Variants in CCDC7 observed in about 807,000 individuals in gnomAD.
CCDC7 encodes coiled-coil domain containing 7.
In CCDC7, 183 loss-of-function variants were observed where a neutral mutation model predicts 196.9. The observed-to-expected ratio is 0.93, with a 90% CI of 0.82 to 1.05. CCDC7 has a LOEUF of 1.05. Among genes scored for constraint, CCDC7 ranks in the 50% least tolerant of loss-of-function variants. The pLI, the probability that CCDC7 is intolerant of heterozygous loss-of-function variation, is 0.00. For missense variants in CCDC7, 1,540 were observed against 1,482.2 expected (o/e 1.04, Z -0.64); for synonymous variants, 525 against 484.6 (o/e 1.08, Z -1.10).
chr10:32,705,918 A>G (rs1028045936), intron 24 of CCDC7, among the ~76,000 whole-genome samples: 2 of 152,128 alleles, frequency 1.3e-5, no homozygotes, highest in Non-Finnish European at 2.9e-5. Flanking sequence ...AACGAGACAG[A>G]AAGTTAACAA....
chr10:32,736,354 T>G (rs2132981252), intron 28 of CCDC7, among the ~76,000 whole-genome samples: 1 of 152,266 alleles, frequency 6.6e-6, no homozygotes, highest in African/African-American at 2.4e-5. Flanking sequence ...ATCAGAGTAT[T>G]TTAGTTTTCC....
intron 11 of CCDC7, among the ~76,000 whole-genome samples, chr10:32,535,568 GTTA>G (rs1178814757): frequency 7.2e-5 from 11 of 152,122 alleles, no homozygotes; most frequent in African/African-American, 1.7e-4. Flanking sequence ...AAAGAGTCAA[GTTA>G]TTATTATCCA....
At chr10:32,600,203 G>A (rs2060848106) in intron 18 of CCDC7, among the ~76,000 whole-genome samples, 1 of 151,334 alleles carries the variant, frequency 6.6e-6, no homozygotes, top group Admixed American at 6.6e-5. Flanking sequence ...AGCATGGGAT[G>A]TGTTTTCATT....
At chr10:32,850,518 A>G (rs16933711) in intron 39 of CCDC7, among the ~76,000 whole-genome samples, 23,780 of 152,116 alleles carry the variant, frequency 0.16, 2,301 homozygotes, top group African/African-American at 0.25. Context: ...AAGAACATCA[A>G]TACAAGTAGG....
In CCDC7 at chr10:32,585,290, G is replaced by T. The variant is rs193134561; in HGVS notation, c.1801+986G>T. Among the ~76,000 whole-genome samples the T allele has an allele frequency of 2.0e-3, 311 of 152,254 alleles. 1 individual carries two copies. The highest frequency in any genetic ancestry group is 3.7e-3 in the Admixed American group (56 of 15,298). On this transcript the variant is annotated intron_variant, in intron 18 of 41. Coordinates refer to ENST00000639629, the Ensembl canonical transcript of CCDC7. ...GGGTTTCACCGTGTTAGACAGGATG[G>T]TCTCGATCTCCTGACCTTATGATCC...
intron 20 of CCDC7, among the ~76,000 whole-genome samples, chr10:32,645,726 G>C (rs888900506): frequency 4.0e-5 from 6 of 151,744 alleles, no homozygotes; most frequent in South Asian, 2.1e-4. Context: ...CTCATTATTG[G>C]TGTGTTGAGA....
At chr10:32,577,382 T>A (rs2058320235) in intron 16 of CCDC7, among the ~76,000 whole-genome samples, 1 of 152,066 alleles carries the variant, frequency 6.6e-6, no homozygotes, top group East Asian at 1.9e-4. Context: ...AAGAGTTCTG[T>A]CCTAGGGAAC....
chr10:32,518,337 C>T, intron 10 of CCDC7, 79 bp from the exon 12 acceptor site: 3 of 1,385,844 alleles, frequency 2.2e-6, no homozygotes, highest in Admixed American at 2.8e-5. Flanking sequence ...ACTTTCTTAC[C>T]TTAATAATTA....
intron 7 of CCDC7, among the ~76,000 whole-genome samples, chr10:32,473,122 A>G (rs2038286936): frequency 6.6e-6 from 1 of 152,218 alleles, no homozygotes; most frequent in African/African-American, 2.4e-5. Flanking sequence ...CATAAAATTT[A>G]CAGCTTAGTA....
intron 16 of CCDC7, among the ~76,000 whole-genome samples, chr10:32,582,276 G>T (rs1265774109): frequency 6.6e-6 from 1 of 151,450 alleles, no homozygotes; most frequent in African/African-American, 2.4e-5. Flanking sequence ...TCTTCTGTGA[G>T]ACCAAACTTC....
chr10:32,789,577 T>A (rs1396710093), intron 29 of CCDC7, among the ~76,000 whole-genome samples: 1 of 149,904 alleles, frequency 6.7e-6, no homozygotes, highest in African/African-American at 2.5e-5. Flanking sequence ...AAAAAAACCC[T>A]ACAAGAATTA....
chr10:32,523,556 A>G (rs988632146), intron 11 of CCDC7, among the ~76,000 whole-genome samples: 2 of 152,152 alleles, frequency 1.3e-5, no homozygotes, highest in Middle Eastern at 3.4e-3. Flanking sequence ...CTCCAAAAAA[A>G]AAAAAAACCG....
intron 8 of CCDC7, among the ~76,000 whole-genome samples, chr10:32,478,547 C>T (rs968214550): frequency 2.6e-5 from 4 of 151,970 alleles, no homozygotes; most frequent in Admixed American, 1.3e-4. Flanking sequence ...TTGTCAAATA[C>T]GTTTTCTGCA....
chr10:32,518,006 A>C lies in CCDC7; in HGVS notation c.903+31A>C, dbSNP rs757584178. ...TATAGTACTCTCAATTTGAAATTAC[A>C]CTTTGTCCTTGAGTTCTTAACAGAT... On this transcript the variant is annotated intron_variant, in intron 10 of 41. Coordinates refer to ENST00000639629, the Ensembl canonical transcript of CCDC7. The C allele has an allele frequency of 3.9e-6, 6 of 1,551,762 alleles. No homozygotes were observed. The Admixed American group carries it at 1.2e-4, about 32-fold the overall frequency.
intron 9 of CCDC7, among the ~76,000 whole-genome samples, chr10:32,505,230 G>A (rs1485223323): frequency 2.0e-5 from 3 of 151,160 alleles, no homozygotes; most frequent in East Asian, 1.9e-4. Context: ...GGTGTTTCTC[G>A]GAGAGGGGGA....
At chr10:32,719,567 A>G (rs2082099732) in intron 25 of CCDC7, among the ~76,000 whole-genome samples, 1 of 151,874 alleles carries the variant, frequency 6.6e-6, no homozygotes, top group Admixed American at 6.6e-5. Context: ...CAAAAATATC[A>G]TCAGCATGAA....
chr10:32,563,828 C>T (rs1325877345), intron 13 of CCDC7, among the ~76,000 whole-genome samples: 11 of 151,878 alleles, frequency 7.2e-5, no homozygotes, highest in African/African-American at 2.2e-4. Flanking sequence ...AGAGCTTCTG[C>T]ACAGCAAAAG....
chr10:32,692,231 C>T (rs925443474), intron 23 of CCDC7, among the ~76,000 whole-genome samples: 2 of 152,144 alleles, frequency 1.3e-5, no homozygotes, highest in African/African-American at 4.8e-5. Flanking sequence ...TGTGCAGAGT[C>T]TCCAACTTTT....
intron 15 of CCDC7, among the ~76,000 whole-genome samples, chr10:32,569,599 TA>T (rs1262468843): frequency 1.3e-5 from 2 of 152,058 alleles, no homozygotes; most frequent in Non-Finnish European, 1.5e-5. Flanking sequence ...GCTAATTTTT[TA>T]TATTTTTAGT....
Sources: allele counts gnomAD v4.1 joint callset (sites outside exome capture counted in the v4.1 genomes callset), GRCh38; gene constraint gnomAD v4.1.1; transcripts MANE v1.5; gene names NCBI Gene and HGNC (gene_info 2026-07-23, HGNC 2026-07-21).